Variants in PCDHA12 observed in about 807,000 individuals in gnomAD.
PCDHA12 encodes protocadherin alpha-12.
In PCDHA12, 44 loss-of-function variants were observed where a neutral mutation model predicts 60.0. The observed-to-expected ratio is 0.73, with a 90% CI of 0.58 to 0.94. PCDHA12 has a LOEUF of 0.94. PCDHA12 is among the 40% of genes least tolerant of loss of function. The probability of loss-of-function intolerance (pLI) is 0.00; values close to 1 mark genes in which losing one functional copy is unlikely to be tolerated. For synonymous variants in PCDHA12, 569 were observed against 553.0 expected, an observed-to-expected ratio of 1.03 and a Z score of -0.40; for missense variants, 1,276 against 1,239.7, an observed-to-expected ratio of 1.03 and a Z score of -0.44.
Position 140,885,215 on chromosome 5 carries a change from A to T in PCDHA12, c.2367+7376A>T, listed in dbSNP as rs564445744. Among the ~76,000 whole-genome samples the T allele has an allele frequency of 2.8e-3, 423 of 152,102 alleles. 2 individuals carry two copies. The highest frequency in any genetic ancestry group is 0.014 in the Middle Eastern group (4 of 294). On this transcript the variant is annotated intron_variant, in intron 1 of 3. Transcript: ENST00000398631. ...CCCTCTCATATATCCCATGAAAAAT[A>T]TCTTGTGATTCTGCTTTCAATTTTT... is the stretch of plus-strand genomic sequence containing the variant.
intron 1 of PCDHA12, chr5:140,883,801 C>T (rs782690228): frequency 4.3e-6 from 7 of 1,612,430 alleles, no homozygotes; most frequent in Non-Finnish European, 5.9e-6. Context: ...TGTCGGTGCA[C>T]GCGGAGAGCG....
chr5:140,982,154 G>A (rs1304368371), intron 2 of PCDHA12, among the ~76,000 whole-genome samples: 3 of 152,210 alleles, frequency 2.0e-5, no homozygotes, highest in East Asian at 1.9e-4. Flanking sequence ...CTTCAGTATC[G>A]AGATGTTAAA....
chr5:140,978,868 G>C (rs2096826928), intron 1 of PCDHA12, 81 bp from the exon 2 acceptor site: 2 of 1,606,078 alleles, frequency 1.2e-6, no homozygotes, highest in Non-Finnish European at 1.7e-6. Context: ...ATATTTAAGG[G>C]AGTAACTAAT....
At chr5:140,904,932 T>C in intron 1 of PCDHA12, among the ~76,000 whole-genome samples, 1 of 152,250 alleles carries the variant, frequency 6.6e-6, no homozygotes, top group African/African-American at 2.4e-5. Context: ...TTGTAGGTTC[T>C]GGATATTAGT....
At chr5:140,998,403 A>G (rs375947232) in intron 3 of PCDHA12, among the ~76,000 whole-genome samples, 5 of 152,114 alleles carry the variant, frequency 3.3e-5, no homozygotes, top group Non-Finnish European at 7.4e-5. Context: ...CTTTATGCCA[A>G]AGTTTATCTA....
In PCDHA12 at chr5:141,009,886, C is replaced by T. The variant is rs377373799; in HGVS notation, c.2775C>T (p.Thr925=). Residue 925 remains threonine (T), a synonymous_variant, in exon 4 of 4, where the codon ACC becomes ACT. Transcript: ENST00000398631. ...AGAAAAAGAAGAAGGGTAACAAGAC[C>T]CAGGAGAAAAAAGAGAAAGGGAACA... ...KKKKKKKGNK[T]QEKKEKGNST... is the part of the protein sequence containing the mutation. The T allele has an allele frequency of 9.0e-4, 1,444 of 1,612,840 alleles. 15 individuals are homozygous for T. The South Asian group carries it at 0.015, about 17-fold the overall frequency.
At position 140,883,968 on chromosome 5, in the gene PCDHA12, C is replaced by G. The variant is rs201548026; in HGVS notation, c.2367+6129C>G. 34 of 1,613,020 alleles carry G rather than the reference C, an allele frequency of 2.1e-5. No homozygotes were observed. The East Asian group carries it at 7.4e-4, about 35-fold the overall frequency. ...AACGACAACGCTCCGGCGCTGCTGACGCCCGGGGCTGGCAGCGCGGGAGGC... is the reference window on the plus strand; with the variant it reads ...AACGACAACGCTCCGGCGCTGCTGAGGCCCGGGGCTGGCAGCGCGGGAGGC... On this transcript the variant is annotated intron_variant, in intron 1 of 3. Coordinates refer to ENST00000398631, the MANE Select transcript of PCDHA12 (RefSeq NM_018903.4).
chr5:140,974,126 T>C (rs1554235851), intron 1 of PCDHA12, among the ~76,000 whole-genome samples: 1 of 152,242 alleles, frequency 6.6e-6, no homozygotes, highest in Non-Finnish European at 1.5e-5. Flanking sequence ...GTGTTTTAAA[T>C]CTGCTAACCT....
chr5:140,979,408 G>GTT (rs558051720), intron 2 of PCDHA12, among the ~76,000 whole-genome samples: 2 of 147,646 alleles, frequency 1.4e-5, no homozygotes, highest in African/African-American at 2.5e-5. Context: ...TGTCTACCTT[G>GTT]TTTTTTTTTT....
chr5:141,010,096 A>G lies in PCDHA12; in HGVS notation c.*159A>G. The G allele has an allele frequency of 6.2e-7, 1 of 1,612,840 alleles. No individual in the cohort carries two copies. Among genetic ancestry groups the G allele is most frequent in the Non-Finnish European group, 8.5e-7 (1 of 1,179,378 alleles). ...CCTGTGTCTGTCTAGAACGCATTTA[A>G]CAGGTTTTGTCGTAAAAGCTTTACT... On this transcript the variant is annotated 3_prime_UTR_variant, in exon 4 of 4. Transcript: ENST00000398631.
Position 141,010,424 on chromosome 5 carries a change from C to A in PCDHA12, c.*487C>A. ...CTTAGACTAATTGGTACAAGGAAGGCAAGAAAACAAAGACAAATAAACAGC... is the reference window on the plus strand; with the variant it reads ...CTTAGACTAATTGGTACAAGGAAGGAAAGAAAACAAAGACAAATAAACAGC... On this transcript the variant is annotated 3_prime_UTR_variant, in exon 4 of 4. Transcript: ENST00000398631. The A allele has an allele frequency of 9.0e-7, 1 of 1,113,698 alleles. No homozygotes were observed. The highest frequency in any genetic ancestry group is 1.2e-6 in the Non-Finnish European group (1 of 808,116). 69.0% of individuals were successfully genotyped at this position (1,113,698 alleles called of 1,614,324 possible). A position where few individuals can be genotyped will look rare whatever the true frequency, so the allele number is the denominator to read the frequency against.
At chr5:140,952,325 T>G in intron 1 of PCDHA12, among the ~76,000 whole-genome samples, 1 of 133,382 alleles carries the variant, frequency 7.5e-6, no homozygotes, top group Non-Finnish European at 1.6e-5. Context: ...GCAACAAGAG[T>G]GAAACTCCAT....
chr5:140,982,705 T>A, intron 3 of PCDHA12, 142 bp downstream of exon 3: 1 of 1,376,850 alleles, frequency 7.3e-7, no homozygotes, highest in Non-Finnish European at 9.5e-7. Flanking sequence ...CATGATTTCC[T>A]TACATATATG....
At chr5:140,974,098 T>C (rs1316262429) in intron 1 of PCDHA12, among the ~76,000 whole-genome samples, 1 of 152,262 alleles carries the variant, frequency 6.6e-6, no homozygotes, top group Non-Finnish European at 1.5e-5. Flanking sequence ...AATCAAAGGT[T>C]AAAAGTATTC....
intron 1 of PCDHA12, chr5:140,883,594 G>T: frequency 1.9e-6 from 3 of 1,614,032 alleles, no homozygotes; most frequent in Non-Finnish European, 2.5e-6. Context: ...CCAGCGTGTC[G>T]GTGGGGGTGG....
intron 3 of PCDHA12, among the ~76,000 whole-genome samples, chr5:140,993,036 GTCA>G (rs1415732601): frequency 6.6e-6 from 1 of 152,182 alleles, no homozygotes; most frequent in Non-Finnish European, 1.5e-5. Flanking sequence ...GGCTCCGTGT[GTCA>G]TCAAGATGTC....
At chr5:140,959,591 A>C (rs2095498403) in intron 1 of PCDHA12, among the ~76,000 whole-genome samples, 1 of 152,220 alleles carries the variant, frequency 6.6e-6, no homozygotes, top group African/African-American at 2.4e-5. Context: ...CTATCAGCCA[A>C]GTATAACATG....
At position 140,876,290 on chromosome 5, in the gene PCDHA12, T is replaced by C; in HGVS notation, c.818T>C (p.Leu273Pro). The C allele has an allele frequency of 6.2e-7, 1 of 1,614,074 alleles. No individual in the cohort carries two copies. The highest frequency in any genetic ancestry group is 8.5e-7 in the Non-Finnish European group (1 of 1,179,906). Residue 273 changes from leucine (L) to proline (P), a missense_variant, in exon 1 of 4, where the codon CTT becomes CCT. Leu to Pro is a moderately conservative substitution (Grantham distance 98). Coordinates refer to ENST00000398631, the MANE Select transcript of PCDHA12 (RefSeq NM_018903.4). Reference sequence around the variant, plus strand: ...AATGCTTCCGATCCAGACGAAGGACTTAATGGAGAAATTTCCTATGGGATC... The same window carrying C: ...AATGCTTCCGATCCAGACGAAGGACCTAATGGAGAAATTTCCTATGGGATC... Reference protein sequence around the residue: ...QLNASDPDEGLNGEISYGIKM... With the variant: ...QLNASDPDEGPNGEISYGIKM...
chr5:140,876,774 G>A lies in PCDHA12; in HGVS notation c.1302G>A (p.Ser434=), dbSNP rs370558767. 5.3e-5 allele frequency: 85 copies of A among 1,614,110 alleles called. No homozygotes were observed. The South Asian group carries it at 8.5e-4, about 16-fold the overall frequency. The part of the protein sequence containing the change: ...VVTARDGGSP[S]LWATARVSVE... ...CTGCGCGGGATGGGGGCTCGCCTTC[G>A]CTGTGGGCCACGGCTAGAGTGTCCG... is the stretch of plus-strand genomic sequence containing the variant. The change falls in exon 1 of 4, where the codon TCG becomes TCA. Residue 434 remains serine, a synonymous_variant. Coordinates refer to ENST00000398631, the MANE Select transcript of PCDHA12 (RefSeq NM_018903.4).
Sources: allele counts gnomAD v4.1 joint callset (sites outside exome capture counted in the v4.1 genomes callset), GRCh38; gene constraint gnomAD v4.1.1; transcripts MANE v1.5; gene names NCBI Gene and HGNC (gene_info 2026-07-23, HGNC 2026-07-21).